KCTD2: variants seen among roughly 807,000 people sequenced by gnomAD.
KCTD2 encodes the protein potassium channel tetramerization domain containing 2.
Under a neutral mutation model 27.9 loss-of-function variants are expected in KCTD2, and 18 were observed. The ratio of observed to expected loss-of-function variants is 0.64; its 90% CI spans 0.45 to 0.96. The LOEUF (loss-of-function observed/expected upper bound fraction) is 0.96, where lower values mean the gene tolerates loss of function less well. KCTD2 is among the 40% of genes least tolerant of loss of function. The probability of loss-of-function intolerance (pLI) is 0.00; values close to 1 mark genes in which losing one functional copy is unlikely to be tolerated. For missense variants in KCTD2, 280 were observed against 348.0 expected, an observed-to-expected ratio of 0.80 and a Z score of 1.56; for synonymous variants, 175 against 148.4, an observed-to-expected ratio of 1.18 and a Z score of -1.30.
intron 4 of KCTD2, chr17:75,060,410 T>G: frequency 6.4e-7 from 1 of 1,573,690 alleles, no homozygotes; most frequent in African/African-American, 1.4e-5. Flanking sequence ...TATTAACTGG[T>G]TCACTTCAAT....
intron 2 of KCTD2, among the ~76,000 whole-genome samples, chr17:75,051,230 A>G (rs551532655): frequency 2.0e-5 from 3 of 148,280 alleles, no homozygotes; most frequent in South Asian, 2.1e-4. Flanking sequence ...TGCCTGCCTC[A>G]GCCTCCCAAA....
In KCTD2 at chr17:75,060,744, T is replaced by C. The variant is rs1448280820; in HGVS notation, c.636+1139T>C. The C allele has an allele frequency of 3.4e-5, 24 of 701,340 alleles. 1 individual carries two copies. In the Middle Eastern group the frequency reaches 1.6e-3, roughly 47 times the overall value. 43.4% of individuals were successfully genotyped at this position (701,340 alleles called of 1,614,324 possible). On this transcript the variant is annotated intron_variant, in intron 4 of 5. Transcript: ENST00000322444. Reference sequence around the variant, plus strand: ...CTGGGATCAACCGCCTGAGTAAATATGATTTTATACGGATTATGCCTACTT... The same window carrying C: ...CTGGGATCAACCGCCTGAGTAAATACGATTTTATACGGATTATGCCTACTT...
intron 3 of KCTD2, among the ~76,000 whole-genome samples, chr17:75,058,878 A>G (rs1430282230): frequency 2.0e-5 from 3 of 152,008 alleles, no homozygotes; most frequent in African/African-American, 7.2e-5. Flanking sequence ...CGGGTGGATC[A>G]CGAGGTCAGG....
At chr17:75,044,920 G>A (rs1598691584), upstream of KCTD2, among the ~76,000 whole-genome samples, 2 of 152,332 alleles carry the variant, frequency 1.3e-5, no homozygotes, top group East Asian at 3.9e-4. Context: ...GTTGTGGAGG[G>A]GAGGTGTTAA....
chr17:75,044,554 A>G (rs1377854114), upstream of KCTD2, among the ~76,000 whole-genome samples: 1 of 150,234 alleles, frequency 6.7e-6, no homozygotes, highest in Non-Finnish European at 1.5e-5. Context: ...GTTGGCCAGG[A>G]TGGGCTGAAA....
chr17:75,035,875 GCCTCAAGGGCAGTGGGGGTGCTGC>G (rs1212406878), intron 3 of KCTD2, among the ~76,000 whole-genome samples: 5 of 152,172 alleles, frequency 3.3e-5, no homozygotes, highest in African/African-American at 9.6e-5. Context: ...CCAGTCCCTA[GCCTCAAGGGCAGTGGGGGTGCTGC>G]CCAACTCTGT....
intron 2 of KCTD2, among the ~76,000 whole-genome samples, chr17:75,050,911 C>T (rs190193573): frequency 5.7e-4 from 86 of 150,740 alleles, no homozygotes; most frequent in Non-Finnish European, 1.0e-3. Context: ...TGTCTGGCCT[C>T]ACATGCTCCT....
chr17:75,060,399 T>A, intron 4 of KCTD2: 1 of 1,540,662 alleles, frequency 6.5e-7, no homozygotes, highest in Non-Finnish European at 8.9e-7. Context: ...CCTCTGCCAC[T>A]TATTAACTGG....
In KCTD2 at chr17:75,049,267, T is replaced by G. The variant is rs1418424311; in HGVS notation, c.387T>G (p.Gly129=). ...YLIDRDPTYF[G]PILNYLRHGK... ...TTGACAGGGACCCCACCTACTTTGGTCCTATCCTCAACTACCTCCGCCACG... is the reference window on the plus strand; with the variant it reads ...TTGACAGGGACCCCACCTACTTTGGGCCTATCCTCAACTACCTCCGCCACG... Residue 129 remains glycine, a synonymous_variant, in exon 2 of 6, where the codon GGT becomes GGG. Transcript: ENST00000322444. 2 of 1,613,958 alleles carry G rather than the reference T, an allele frequency of 1.2e-6. No homozygotes were observed. Among genetic ancestry groups the G allele is most frequent in the Non-Finnish European group, 1.7e-6 (2 of 1,179,854 alleles).
At chr17:75,033,400 GTA>G (rs1297630286) in intron 1 of KCTD2, among the ~76,000 whole-genome samples, 1 of 151,764 alleles carries the variant, frequency 6.6e-6, no homozygotes, top group Non-Finnish European at 1.5e-5. Flanking sequence ...GTAGTATCTA[GTA>G]TATATATATT....
chr17:75,060,497 G>GAC, intron 4 of KCTD2: 3 of 1,612,216 alleles, frequency 1.9e-6, no homozygotes, highest in Non-Finnish European at 2.5e-6. Flanking sequence ...GAACTAACCA[G>GAC]ACAACAGCGC....
At chr17:75,036,025 A>G (rs1240680090) in intron 3 of KCTD2, 4 of 454,398 alleles carry the variant, frequency 8.8e-6, no homozygotes, top group South Asian at 4.7e-5. Flanking sequence ...GTACTTGGAC[A>G]TAGGGGAGAA....
At chr17:75,033,078 T>C (rs890424427) in intron 1 of KCTD2, 2 of 152,214 alleles carry the variant, frequency 1.3e-5, no homozygotes. Flanking sequence ...TGGCTGAACT[T>C]CTTCTGTTAA....
rs1598130024 is a variant in KCTD2, at chr17:75,062,344, C to A, written c.762+99C>A. ...TCTTGCTCCTCACTTCTTCCCTGGC[C>A]TTCTAGAGCCAGCGTTGCATTTTCC... is the stretch of plus-strand genomic sequence containing the variant. On this transcript the variant is annotated intron_variant, in intron 5 of 5. Transcript: ENST00000322444. 2.2e-5 allele frequency: 26 copies of A among 1,191,060 alleles called. No homozygotes were observed. The East Asian group carries it at 6.4e-4, about 29-fold the overall frequency. The allele number at this position is 1,191,060 out of a possible 1,614,324, so 73.8% of individuals were successfully genotyped here. A position where few individuals can be genotyped will look rare whatever the true frequency, so the allele number is the denominator to read the frequency against.
chr17:75,034,402 A>G (rs927121004), intron 2 of KCTD2, among the ~76,000 whole-genome samples: 20 of 152,260 alleles, frequency 1.3e-4, no homozygotes, highest in African/African-American at 4.6e-4. Context: ...CGGCACCAAA[A>G]GAAACCTTGC....
At chr17:75,056,927 CTCT>C (rs911762971) in intron 3 of KCTD2, among the ~76,000 whole-genome samples, 1 of 149,524 alleles carries the variant, frequency 6.7e-6, no homozygotes, top group Non-Finnish European at 1.5e-5. Flanking sequence ...AACTACTTTC[CTCT>C]GTTTCTTTTT....
At position 75,064,080 on chromosome 17, in the gene KCTD2, C is replaced by G. The variant is rs1345025918; in HGVS notation, c.*1033C>G. 3 of 152,740 alleles carry G rather than the reference C, an allele frequency of 2.0e-5. No individual in the cohort carries two copies. Among genetic ancestry groups the G allele is most frequent in the African/African-American group, 7.2e-5 (3 of 41,456 alleles). 9.5% of individuals were successfully genotyped at this position (152,740 alleles called of 1,614,324 possible). A position where few individuals can be genotyped will look rare whatever the true frequency, so the allele number is the denominator to read the frequency against. On this transcript the variant is annotated 3_prime_UTR_variant, in exon 6 of 6. Transcript: ENST00000322444. ...GGTTTCTAACCTTGGCGGACCTGCT[C>G]CCCTCTGTACTGTCCCCAGTGGTAT...
upstream of KCTD2, chr17:75,042,430 T>G (rs2073170710): frequency 2.0e-6 from 3 of 1,531,066 alleles, no homozygotes; most frequent in Admixed American, 6.0e-5. Flanking sequence ...CTTTATATGT[T>G]GTCATAAGGG....
exon 3 of KCTD2, chr17:75,035,279 G>A (rs1278446904): frequency 6.6e-6 from 1 of 152,090 alleles, no homozygotes; most frequent in Non-Finnish European, 1.5e-5. Flanking sequence ...CCCGGGATCC[G>A]AAGCTGGGGA....
Sources: allele counts gnomAD v4.1 joint callset (sites outside exome capture counted in the v4.1 genomes callset), GRCh38; gene constraint gnomAD v4.1.1; transcripts MANE v1.5; gene names NCBI Gene and HGNC (gene_info 2026-07-23, HGNC 2026-07-21).